Variants in ATG9B observed in about 807,000 individuals in gnomAD.
ATG9B encodes autophagy related 9B, also known as autophagy-related protein 9B.
In ATG9B, 92 loss-of-function variants were observed where a neutral mutation model predicts 92.9. The observed-to-expected ratio is 0.99, with a 90% CI of 0.84 to 1.18. The LOEUF is 1.18. Among genes scored for constraint, ATG9B ranks in the 50% most tolerant of loss-of-function variants. ATG9B has a pLI of 0.00. For synonymous variants in ATG9B, 599 were observed against 551.4 expected, an observed-to-expected ratio of 1.09 and a Z score of -1.21; for missense variants, 1,344 against 1,235.0, an observed-to-expected ratio of 1.09 and a Z score of -1.32.
chr7:151,017,968 AT>A lies in ATG9B; in HGVS notation c.1954del (p.Ile652LeufsTer26). 6.2e-7 allele frequency: 1 copy of A among 1,607,890 alleles called. No homozygotes were observed. The highest frequency in any genetic ancestry group is 8.5e-7 in the Non-Finnish European group (1 of 1,176,956). ...AGTGAAGTGATGAAAAAAGTCGATA[AT>A]CTCCAGGGCACGAGGGCGGAACCAG... is the stretch of plus-strand genomic sequence containing the variant. ...LFWFRPRALEIIDFFHHFTVD... is the reference protein window; with the variant it reads ...LFWFRPRALEXIDFFHHFTVD... On this transcript the variant is annotated frameshift_variant, in exon 8 of 14. Transcript: ENST00000639579. LOFTEE classifies it high-confidence loss of function.
In ATG9B at chr7:151,018,883, C is replaced by G. The variant is rs1311456721; in HGVS notation, c.1455G>C (p.Ala485=). ...CGTTGAAGTGGCGCAGCTGCAAGCG[C>G]GCCAGGCGGGACCAGCCGCGCGCCC... ...ALGARGWSRL[A]RLQLRHFNEL... The change falls in exon 6 of 14, where the codon GCG becomes GCC. Residue 485 remains alanine (A), a synonymous_variant. Coordinates refer to ENST00000639579, the MANE Select transcript of ATG9B (RefSeq NM_001317056.2). The surrounding 1 kb of genome is among the most constrained non-coding windows in gnomAD (Gnocchi z 4.7). The G allele has an allele frequency of 2.8e-6, 4 of 1,420,450 alleles. No homozygotes were observed. The highest frequency in any genetic ancestry group is 1.8e-6 in the Non-Finnish European group (2 of 1,097,162). 88.0% of individuals were successfully genotyped at this position (1,420,450 alleles called of 1,614,324 possible). A position where few individuals can be genotyped will look rare whatever the true frequency, so the allele number is the denominator to read the frequency against.
Position 151,017,013 on chromosome 7 carries a change from G to A in ATG9B, c.2289+23C>T, listed in dbSNP as rs764797676. ...GGAGTTGTGGGGGTGAAGGCAGAAG[G>A]GGAGGCCAGGCTTGGGACTCACCAG... On this transcript the variant is annotated intron_variant, in intron 9 of 13. Coordinates refer to ENST00000639579, the MANE Select transcript of ATG9B (RefSeq NM_001317056.2). 4 of 1,565,928 alleles carry A rather than the reference G, an allele frequency of 2.6e-6. No homozygotes were observed. In the African/African-American group the frequency reaches 5.4e-5, roughly 21 times the overall value.
chr7:151,018,770 A>T lies in ATG9B; in HGVS notation c.1568T>A (p.Leu523Gln). The T allele has an allele frequency of 6.7e-7, 1 of 1,484,070 alleles. No individual in the cohort carries two copies. Among genetic ancestry groups the T allele is most frequent in the Non-Finnish European group, 8.9e-7 (1 of 1,121,918 alleles). The allele number at this position is 1,484,070 out of a possible 1,614,324, so 91.9% of individuals were successfully genotyped here. A position where few individuals can be genotyped will look rare whatever the true frequency, so the allele number is the denominator to read the frequency against. The change falls in exon 6 of 14, where the codon CTG (leucine) becomes CAG (glutamine). Residue 523 changes from leucine to glutamine, a missense_variant. Physicochemically the swap from Leu to Gln is moderately radical, Grantham distance 113. Transcript: ENST00000639579. This position sits in a 1 kb window ranked among gnomAD's most constrained non-coding sequence, Gnocchi z 4.7. ...FLRTAAPPAP[L>Q]RTLLARQLVF... ...GAGCTGGCGGGCCAGCAGCGTGCGC[A>T]GGGGCGCGGGGGGCGCAGCGGTGCG...
chr7:151,017,075 G>C lies in ATG9B; in HGVS notation c.2250C>G (p.Pro750=), dbSNP rs139237488. The change falls in exon 9 of 14, where the codon CCC becomes CCG. Residue 750 remains proline (P), a synonymous_variant. Coordinates refer to ENST00000639579, the MANE Select transcript of ATG9B (RefSeq NM_001317056.2). Reference sequence around the variant, plus strand: ...AGTTGCTGAGCACCCCCGGGGTGGAGGGGCCGCGAGCCGAGGTGGCACCCC... The same window carrying C: ...AGTTGCTGAGCACCCCCGGGGTGGACGGGCCGCGAGCCGAGGTGGCACCCC... ...AAWGATSARG[P]STPGVLSNCT... is the part of the protein sequence containing the mutation. 2.7e-3 allele frequency: 4,402 copies of C among 1,606,830 alleles called. 92 individuals are homozygous for C. The African/African-American group carries it at 0.048, about 18-fold the overall frequency.
chr7:151,023,104 C>A lies in ATG9B; in HGVS notation c.762G>T (p.Pro254=), dbSNP rs780844125. Residue 254 remains proline (P), a synonymous_variant, in exon 4 of 14, where the codon CCG becomes CCT. Transcript: ENST00000639579. The stretch of plus-strand genomic sequence containing the variant: ...CTGACAGGGTCACTTTGCTGTGGAA[C>A]GGCCCAGGTCTGGTATGGTTACTTG... ...NQPSNHTRPG[P]FHSKVTLSDA... is the part of the protein sequence containing the mutation. The A allele has an allele frequency of 6.2e-7, 1 of 1,614,108 alleles. No individual in the cohort carries two copies.
Position 151,017,854 on chromosome 7 carries a change from CA to C in ATG9B, c.2052+16del. ...CCCACCCAGCCCAAACCCCCAGGGCCAGGGAACGGCTCTGACCTGAGGGTGT... is the reference window on the plus strand; with the variant it reads ...CCCACCCAGCCCAAACCCCCAGGGCCGGGAACGGCTCTGACCTGAGGGTGT... On this transcript the variant is annotated intron_variant, in intron 8 of 13. Coordinates refer to ENST00000639579, the MANE Select transcript of ATG9B (RefSeq NM_001317056.2). 1 of 1,582,808 alleles carries C rather than the reference CA, an allele frequency of 6.3e-7. No individual in the cohort carries two copies. Among genetic ancestry groups the C allele is most frequent in the Non-Finnish European group, 8.6e-7 (1 of 1,162,490 alleles).
Position 151,015,937 on chromosome 7 carries a change from C to G in ATG9B, c.2734G>C (p.Asp912His). ...GCCCGGTCAGGCTCCTTCTGGGTGTCTGTGGTCACCTGAAACCCTCCGGGG... is the reference window on the plus strand; with the variant it reads ...GCCCGGTCAGGCTCCTTCTGGGTGTGTGTGGTCACCTGAAACCCTCCGGGG... ...LFPGGFQVTT[D>H]TQKEPDRASC... The change falls in exon 13 of 14, where the codon GAC (aspartate) becomes CAC (histidine). Residue 912 changes from aspartate to histidine, a missense_variant. By Grantham distance (81) the Asp-to-His change is moderately conservative. Coordinates refer to ENST00000639579, the MANE Select transcript of ATG9B (RefSeq NM_001317056.2). 1.3e-6 allele frequency: 2 copies of G among 1,551,666 alleles called. No individual in the cohort carries two copies. Among genetic ancestry groups the G allele is most frequent in the Non-Finnish European group, 1.7e-6 (2 of 1,146,986 alleles).
At position 151,019,384 on chromosome 7, in the gene ATG9B, G is replaced by A; in HGVS notation, c.964-10C>T. ...CCGAGCTCAGCTCCTCCTGAAAGGG[G>A]CACTGATGAGAGCCAGCGACCCCCC... On this transcript the variant is annotated splice_polypyrimidine_tract_variant and intron_variant, in intron 5 of 13. Transcript: ENST00000639579. 1 of 1,506,960 alleles carries A rather than the reference G, an allele frequency of 6.6e-7. No individual in the cohort carries two copies. The highest frequency in any genetic ancestry group is 1.3e-5 in the South Asian group (1 of 76,384). The allele number at this position is 1,506,960 out of a possible 1,614,324, so 93.3% of individuals were successfully genotyped here.
chr7:151,022,952 T>C, intron 4 of ATG9B, 93 bp downstream of exon 4: 1 of 1,525,234 alleles, frequency 6.6e-7, no homozygotes, highest in Non-Finnish European at 9.0e-7. Context: ...TGAGAACTGC[T>C]GATCTAGATG....
Position 151,019,326 on chromosome 7 carries a change from C to A in ATG9B, c.1012G>T (p.Ala338Ser), listed in dbSNP as rs367685800. 6.4e-7 allele frequency: 1 copy of A among 1,568,790 alleles called. No homozygotes were observed. Among genetic ancestry groups the A allele is most frequent in the African/African-American group, 1.3e-5 (1 of 74,332 alleles). Residue 338 changes from alanine to serine, a missense_variant, in exon 6 of 14, where the codon GCA becomes TCA. By Grantham distance (99) the Ala-to-Ser change is moderately conservative. Coordinates refer to ENST00000639579, the MANE Select transcript of ATG9B (RefSeq NM_001317056.2). ...PWAEVQSRLLALQRSGGLCVQ... is the reference protein window; with the variant it reads ...PWAEVQSRLLSLQRSGGLCVQ... ...CACAGGCCCCCGCTCCGCTGCAGTG[C>A]CAAGAGGCGGGACTGCACCTCTGCC...
At position 151,018,352 on chromosome 7, in the gene ATG9B, C is replaced by A. The variant is rs1273304505; in HGVS notation, c.1814G>T (p.Gly605Val). The stretch of plus-strand genomic sequence containing the variant: ...GTAGGCGCGGTCCCTGCCGCCGGGG[C>A]CGGGCTCCTCCGGGAGGTAGTGCAT... ...AHMHYLPEEP[G>V]PGGRDRAYRQ... Residue 605 changes from glycine to valine, a missense_variant, in exon 7 of 14, where the codon GGC (glycine) becomes GTC (valine). Coordinates refer to ENST00000639579, the MANE Select transcript of ATG9B (RefSeq NM_001317056.2). This position sits in a 1 kb window ranked among gnomAD's most constrained non-coding sequence, Gnocchi z 4.7. 1 of 1,598,346 alleles carries A rather than the reference C, an allele frequency of 6.3e-7. No homozygotes were observed. The highest frequency in any genetic ancestry group is 1.1e-5 in the South Asian group (1 of 89,254).
downstream of ATG9B, chr7:151,014,620 T>TG (rs933322645): frequency 1.9e-5 from 3 of 155,242 alleles, no homozygotes; most frequent in African/African-American, 7.2e-5. Context: ...TTTGTTTTTT[T>TG]TTTTTTGAAA....
chr7:151,023,308 A>C (rs572349434), intron 3 of ATG9B, 102 bp from the exon 4 acceptor site: 236 of 1,598,798 alleles, frequency 1.5e-4, no homozygotes, highest in Admixed American at 5.9e-4. Context: ...ATCCTCCCTG[A>C]CCCTGCCCCT....
At position 151,017,723 on chromosome 7, in the gene ATG9B, G is replaced by T. The variant is rs535919000; in HGVS notation, c.2052+148C>A. The T allele has an allele frequency of 1.3e-5, 13 of 993,468 alleles. No homozygotes were observed. In the African/African-American group the frequency reaches 1.5e-4, roughly 11 times the overall value. The allele number at this position is 993,468 out of a possible 1,614,324, so 61.5% of individuals were successfully genotyped here. A position where few individuals can be genotyped will look rare whatever the true frequency, so the allele number is the denominator to read the frequency against. On this transcript the variant is annotated intron_variant, in intron 8 of 13. Transcript: ENST00000639579. The stretch of plus-strand genomic sequence containing the variant: ...TTGCCATTGTTGCCATCTGACAGAC[G>T]AGGGCACGAGAGCACAGGAAGGGAA...
In ATG9B at chr7:151,023,108, C is replaced by T. The variant is rs774951757; in HGVS notation, c.758G>A (p.Gly253Glu). The T allele has an allele frequency of 1.2e-5, 20 of 1,613,946 alleles. No individual in the cohort carries two copies. The highest frequency in any genetic ancestry group is 1.1e-4 in the East Asian group (5 of 44,868). Residue 253 changes from glycine (G) to glutamate (E), a missense_variant, in exon 4 of 14, where the codon GGG (glycine) becomes GAG (glutamate). Coordinates refer to ENST00000639579, the MANE Select transcript of ATG9B (RefSeq NM_001317056.2). ...CAGGGTCACTTTGCTGTGGAACGGC[C>T]CAGGTCTGGTATGGTTACTTGGTTG... ...ANQPSNHTRP[G>E]PFHSKVTLSD...
downstream of ATG9B, chr7:151,014,016 A>G (rs759961903): frequency 6.2e-7 from 1 of 1,612,760 alleles, no homozygotes; most frequent in Non-Finnish European, 8.5e-7. Context: ...AGGATCAGCA[A>G]CGCTACCACG....
In ATG9B at chr7:151,024,330, G is replaced by A. The variant is rs1795875423; in HGVS notation, c.94C>T (p.Leu32=). 12 of 1,423,734 alleles carry A rather than the reference G, an allele frequency of 8.4e-6. No individual in the cohort carries two copies. The South Asian group carries it at 1.3e-4, about 16-fold the overall frequency. 88.2% of individuals were successfully genotyped at this position (1,423,734 alleles called of 1,614,324 possible). Residue 32 remains leucine, a synonymous_variant, in exon 1 of 14, where the codon CTG becomes TTG. Transcript: ENST00000639579. The stretch of plus-strand genomic sequence containing the variant: ...CATGAAGGAGGAGGAGGAGGTGGCA[G>A]TGGCATGGGGAGGAGGGGCACCGAT... The part of the protein sequence containing the change: ...PGSVPLLPMP[L]PPPPPPSCRG...
At chr7:151,012,307 G>A, downstream of ATG9B, 1 of 1,516,818 alleles carries the variant, frequency 6.6e-7, no homozygotes, top group East Asian at 2.5e-5. Context: ...GAATGGTGGA[G>A]CAGGAAAGGC....
chr7:151,014,204 G>A, downstream of ATG9B: 2 of 1,569,316 alleles, frequency 1.3e-6, no homozygotes, highest in Non-Finnish European at 1.7e-6. Flanking sequence ...TTCCGGGAGA[G>A]CGGCTGCCCG....
Sources: allele counts gnomAD v4.1 joint callset, GRCh38; gene constraint gnomAD v4.1.1; non-coding constraint Gnocchi (gnomAD v3.1); transcripts MANE v1.5; gene names NCBI Gene and HGNC (gene_info 2026-07-23, HGNC 2026-07-21).